Variants in DNAH9 observed in about 807,000 individuals in gnomAD.
The protein encoded by DNAH9 is DNAH9 variant protein.
Under a neutral mutation model 471.6 loss-of-function variants are expected in DNAH9, and 345 were observed. That is an observed-to-expected ratio of 0.73 (90% CI 0.67 to 0.80). DNAH9 has a LOEUF of 0.80. Among genes scored for constraint, DNAH9 ranks in the 30% least tolerant of loss-of-function variants. DNAH9 has a pLI of 0.00. For synonymous variants in DNAH9, 2,093 were observed against 2,123.6 expected, an observed-to-expected ratio of 0.99 and a Z score of 0.40; for missense variants, 5,407 against 5,609.2, an observed-to-expected ratio of 0.96 and a Z score of 1.15.
At chr17:11,809,692 G>A (rs1969817854) in intron 44 of DNAH9, among the ~76,000 whole-genome samples, 1 of 152,114 alleles carries the variant, frequency 6.6e-6, no homozygotes, top group Non-Finnish European at 1.5e-5. Context: ...TTGCCTTCAG[G>A]AGCAGGTCAT....
chr17:11,704,880 G>A (rs2074672530), intron 25 of DNAH9, 145 bp from the exon 26 acceptor site: 1 of 709,696 alleles, frequency 1.4e-6, no homozygotes, highest in Non-Finnish European at 2.4e-6. Context: ...AGAGCAGCTT[G>A]TGCTTTCTAT....
chr17:11,925,986 G>T (rs1974305092), intron 62 of DNAH9, among the ~76,000 whole-genome samples: 1 of 114,444 alleles, frequency 8.7e-6, no homozygotes. Context: ...GACTGGACCA[G>T]AATCCTACCC....
intron 36 of DNAH9, among the ~76,000 whole-genome samples, chr17:11,766,096 G>GAA: frequency 6.6e-6 from 1 of 152,238 alleles, no homozygotes; most frequent in East Asian, 1.9e-4. Flanking sequence ...GGACAAGGGA[G>GAA]AAAGCTTTTA....
At chr17:11,740,887 TTTTTTTCC>T (rs1423897262) in intron 29 of DNAH9, among the ~76,000 whole-genome samples, 1 of 152,134 alleles carries the variant, frequency 6.6e-6, no homozygotes, top group East Asian at 1.9e-4. Context: ...CATTTGGCAT[TTTTTTTCC>T]CAATACTGCA....
At chr17:11,660,002 G>A (rs565331173) in intron 14 of DNAH9, among the ~76,000 whole-genome samples, 4 of 152,072 alleles carry the variant, frequency 2.6e-5, no homozygotes, top group South Asian at 4.2e-4. Flanking sequence ...TTCCTTGGTC[G>A]GTTTTGCTAG....
chr17:11,938,456 C>CAAAA (rs11364413), intron 66 of DNAH9, among the ~76,000 whole-genome samples: 5 of 111,430 alleles, frequency 4.5e-5, no homozygotes, highest in Non-Finnish European at 5.8e-5. Flanking sequence ...AGACTGTCTC[C>CAAAA]AAAAAAAAAA....
intron 65 of DNAH9, among the ~76,000 whole-genome samples, 155 bp downstream of exon 65, chr17:11,934,226 C>T (rs531380089): frequency 6.6e-5 from 10 of 152,208 alleles, no homozygotes; most frequent in East Asian, 3.9e-4. Context: ...GACAGCTGAG[C>T]TCATGTCAAA....
Position 11,741,770 on chromosome 17 carries a change from C to T in DNAH9, c.5973-405C>T, listed in dbSNP as rs114865304. Among the ~76,000 whole-genome samples the T allele has an allele frequency of 8.5e-3, 1,287 of 152,242 alleles. 20 individuals are homozygous for T. The highest frequency in any genetic ancestry group is 0.029 in the African/African-American group (1,206 of 41,528). On this transcript the variant is annotated intron_variant, in intron 29 of 68. Coordinates refer to ENST00000262442, the MANE Select transcript of DNAH9 (RefSeq NM_001372.4). ...GGGAACTCTCAGTTTGTTGTAGATA[C>T]CCAGAGAAACTCAATTCCTTATTCT...
Position 11,608,171 on chromosome 17 carries a change from T to C in DNAH9, c.460T>C (p.Trp154Arg). The C allele has an allele frequency of 6.2e-7, 1 of 1,612,614 alleles. No homozygotes were observed. The highest frequency in any genetic ancestry group is 8.5e-7 in the Non-Finnish European group (1 of 1,178,728). ...GGCCAATGAGAAGAATCGCCTAAAC[T>C]GGCCCCACATGATATGTGAGGATGT... Reference protein sequence around the residue: ...VLANEKNRLNWPHMICEDVRR... With the variant: ...VLANEKNRLNRPHMICEDVRR... Residue 154 changes from tryptophan (W) to arginine (R), a missense_variant, in exon 2 of 69, where the codon TGG becomes CGG. Physicochemically the swap from Trp to Arg is moderately radical, Grantham distance 101. Coordinates refer to ENST00000262442, the MANE Select transcript of DNAH9 (RefSeq NM_001372.4).
At chr17:11,692,188 C>T (rs2074344794) in intron 20 of DNAH9, among the ~76,000 whole-genome samples, 1 of 149,128 alleles carries the variant, frequency 6.7e-6, no homozygotes, top group African/African-American at 2.4e-5. Flanking sequence ...CTCATTCTCT[C>T]ACTTGCAGCT....
At chr17:11,760,401 C>T (rs1967613219) in intron 35 of DNAH9, among the ~76,000 whole-genome samples, 1 of 152,154 alleles carries the variant, frequency 6.6e-6, no homozygotes, top group Non-Finnish European at 1.5e-5. Context: ...CATGCACAAG[C>T]CTTTGAAACA....
chr17:11,728,709 G>A (rs1477543044), intron 28 of DNAH9, among the ~76,000 whole-genome samples: 1 of 152,114 alleles, frequency 6.6e-6, no homozygotes, highest in East Asian at 1.9e-4. Flanking sequence ...AGGGTGAAGG[G>A]GGGGAACGTT....
intron 61 of DNAH9, among the ~76,000 whole-genome samples, chr17:11,913,791 AAAAG>A (rs1349696623): frequency 1.3e-5 from 2 of 152,004 alleles, no homozygotes; most frequent in Non-Finnish European, 2.9e-5. Context: ...CAAAAAAAAA[AAAAG>A]AAAAGAAAAA....
At chr17:11,828,571 G>A (rs577692243) in intron 48 of DNAH9, among the ~76,000 whole-genome samples, 1 of 151,576 alleles carries the variant, frequency 6.6e-6, no homozygotes, top group Non-Finnish European at 1.5e-5. Context: ...TTCCCAGACT[G>A]TATGCTGGTA....
intron 49 of DNAH9, among the ~76,000 whole-genome samples, chr17:11,843,358 T>C (rs935599376): frequency 3.9e-5 from 6 of 152,098 alleles, no homozygotes; most frequent in African/African-American, 1.4e-4. Flanking sequence ...AGAAAATATA[T>C]TTTCAAAATA....
chr17:11,652,166 T>A (rs1304296246), intron 13 of DNAH9, among the ~76,000 whole-genome samples: 2 of 151,942 alleles, frequency 1.3e-5, no homozygotes, highest in East Asian at 3.9e-4. Context: ...CAAGTCTCAC[T>A]GGTGTTTGGA....
At position 11,747,748 on chromosome 17, in the gene DNAH9, A is replaced by T; in HGVS notation, c.6592A>T (p.Thr2198Ser). 6.2e-7 allele frequency: 1 copy of T among 1,613,976 alleles called. No individual in the cohort carries two copies. ...GCTCTTTGGCATCATCAATCCAGCC[A>T]CAGGAGAATGGAAGGATGGTAAGAG... is the stretch of plus-strand genomic sequence containing the variant. The part of the protein sequence containing the change: ...DELFGIINPA[T>S]GEWKDGLFSS... The change falls in exon 32 of 69, where the codon ACA (threonine) becomes TCA (serine). Residue 2198 changes from threonine (T) to serine (S), a missense_variant. Thr to Ser is a moderately conservative substitution (Grantham distance 58). This residue lies in a region of DNAH9 where 4,636 missense variants were observed against 4,900.3 expected (regional missense o/e 0.95). Transcript: ENST00000262442.
At chr17:11,672,381 A>G (rs915417439) in intron 17 of DNAH9, among the ~76,000 whole-genome samples, 3 of 152,128 alleles carry the variant, frequency 2.0e-5, no homozygotes, top group South Asian at 2.1e-4. Flanking sequence ...TTCTGAGGAC[A>G]CTGCTTTCCC....
Position 11,934,081 on chromosome 17 carries a change from T to C in DNAH9, c.12489+10T>C, listed in dbSNP as rs952781506. On this transcript the variant is annotated intron_variant, in intron 65 of 68. Coordinates refer to ENST00000262442, the MANE Select transcript of DNAH9 (RefSeq NM_001372.4). ...CAATGGTTATCATCAGGTGAGACTC[T>C]GCTCTGTGCTTCTGATGTCGTGAGG... 1.2e-6 allele frequency: 2 copies of C among 1,609,520 alleles called. No individual in the cohort carries two copies. The highest frequency in any genetic ancestry group is 1.7e-5 in the Admixed American group (1 of 59,792).
Sources: gnomAD v4.1 joint callset for allele counts (sites outside exome capture counted in the v4.1 genomes callset) on GRCh38, gnomAD v4.1.1 for gene constraint, gnomAD v4.1.1 regional missense constraint, MANE v1.5 for transcripts, NCBI Gene and HGNC (gene_info 2026-07-23, HGNC 2026-07-21) for gene names.